Variants in ANK2 observed in about 807,000 individuals in gnomAD.
ANK2 encodes ankyrin-2.
A neutral mutation model predicts 360.5 loss-of-function variants in ANK2; 83 were observed. That is an observed-to-expected ratio of 0.23 (90% CI 0.19 to 0.28). The LOEUF (loss-of-function observed/expected upper bound fraction) is 0.28. Among genes scored for constraint, ANK2 ranks in the 10% least tolerant of loss-of-function variants. ANK2 has a pLI of 1.00. For missense variants in ANK2, 4,201 were observed against 4,795.7 expected, an observed-to-expected ratio of 0.88 and a Z score of 3.66; for synonymous variants, 1,740 against 1,759.5, an observed-to-expected ratio of 0.99 and a Z score of 0.28.
intron 45 of ANK2, among the ~76,000 whole-genome samples, chr4:113,378,451 A>T (rs947176037): frequency 6.6e-6 from 1 of 152,234 alleles, no homozygotes; most frequent in Admixed American, 6.5e-5. Context: ...GCAAGCCATC[A>T]ACTTAGTTGA....
At chr4:113,309,298 T>A (rs992401284) in intron 23 of ANK2, among the ~76,000 whole-genome samples, 1 of 152,196 alleles carries the variant, frequency 6.6e-6, no homozygotes, top group African/African-American at 2.4e-5. Context: ...CATTTCTCTC[T>A]GAGACATAAT....
chr4:113,130,869 A>G, intron 1 of ANK2, among the ~76,000 whole-genome samples: 1 of 152,236 alleles, frequency 6.6e-6, no homozygotes, highest in Non-Finnish European at 1.5e-5. Flanking sequence ...CTTAGGCAAC[A>G]CATAGATTGT....
chr4:113,044,576 T>G (rs930903161), intron 2 of ANK2, among the ~76,000 whole-genome samples: 5 of 152,138 alleles, frequency 3.3e-5, no homozygotes, highest in Non-Finnish European at 7.4e-5. Context: ...AGACTAGAAG[T>G]GCAAAACCAC....
At chr4:113,216,357 A>C (rs1207298304) in intron 4 of ANK2, among the ~76,000 whole-genome samples, 1 of 152,222 alleles carries the variant, frequency 6.6e-6, no homozygotes, top group Non-Finnish European at 1.5e-5. Flanking sequence ...AAGGGGAAGC[A>C]CTATATATTG....
intron 1 of ANK2, among the ~76,000 whole-genome samples, chr4:112,843,501 A>G (rs1239872988): frequency 6.6e-6 from 1 of 152,202 alleles, no homozygotes. Flanking sequence ...TTTAGATAAG[A>G]TTAAAAAACA....
intron 24 of ANK2, 83 bp from the exon 25 acceptor site, chr4:113,317,624 C>T (rs1335834661): frequency 4.7e-6 from 5 of 1,069,856 alleles, no homozygotes; most frequent in Non-Finnish European, 7.2e-6. Flanking sequence ...GCTTTTTTCA[C>T]TCTCCTGCTC....
intron 2 of ANK2, among the ~76,000 whole-genome samples, chr4:113,178,876 C>CA (rs1304026983): frequency 5.9e-5 from 9 of 152,158 alleles, no homozygotes; most frequent in Non-Finnish European, 4.4e-5. Flanking sequence ...GTCCCAAGTC[C>CA]AAGCTTTTTT....
chr4:113,204,912 C>T (rs2098922919), intron 4 of ANK2, among the ~76,000 whole-genome samples: 1 of 152,168 alleles, frequency 6.6e-6, no homozygotes, highest in Non-Finnish European at 1.5e-5. Context: ...ACCTCTTAGA[C>T]TGTTCTTCAA....
At chr4:113,154,027 T>G (rs931457585) in intron 1 of ANK2, among the ~76,000 whole-genome samples, 4 of 152,342 alleles carry the variant, frequency 2.6e-5, no homozygotes, top group African/African-American at 7.2e-5. Context: ...TTTATTAAGC[T>G]TCTTCTTATC....
intron 2 of ANK2, among the ~76,000 whole-genome samples, chr4:112,982,964 T>C (rs1357969140): frequency 6.7e-6 from 1 of 148,508 alleles, no homozygotes; most frequent in Non-Finnish European, 1.5e-5. Context: ...TTATACTCTG[T>C]TTGAAGAATG....
At chr4:113,016,233 T>C (rs901524012) in intron 2 of ANK2, among the ~76,000 whole-genome samples, 4 of 152,066 alleles carry the variant, frequency 2.6e-5, no homozygotes, top group African/African-American at 4.8e-5. Context: ...TTTCCTGTCA[T>C]TGGGGGAAAA....
At chr4:113,016,489 C>T (rs1447474373) in intron 2 of ANK2, among the ~76,000 whole-genome samples, 1 of 152,178 alleles carries the variant, frequency 6.6e-6, no homozygotes, top group Non-Finnish European at 1.5e-5. Flanking sequence ...CCTGCCATCT[C>T]TTCTCTGCTC....
At chr4:113,064,787 T>G (rs2154336684) in intron 1 of ANK2, among the ~76,000 whole-genome samples, 1 of 120,676 alleles carries the variant, frequency 8.3e-6, no homozygotes, top group Admixed American at 8.4e-5. Context: ...AACAAAAATG[T>G]TAGAAAGTTC....
rs182977905 is a variant in ANK2, at chr4:112,862,314, G to C, written c.-39-42141G>C. Among the ~76,000 whole-genome samples, 252 of 152,248 alleles carry C rather than the reference G, an allele frequency of 1.7e-3. 1 individual carries two copies. Among genetic ancestry groups the C allele is most frequent in the Admixed American group, 5.2e-3 (79 of 15,292 alleles). On this transcript the variant is annotated intron_variant, in intron 1 of 30. Transcript: ENST00000503271. ...AGTAAATTTATTTCATTATTTTTTA[G>C]CATCTAATTATTGCCCTTTGATTTG...
intron 2 of ANK2, among the ~76,000 whole-genome samples, chr4:112,997,348 A>G (rs896392966): frequency 6.6e-6 from 1 of 152,130 alleles, no homozygotes; most frequent in Admixed American, 6.6e-5. Context: ...AGATCTCTTG[A>G]ATTTGTGAAA....
At chr4:113,181,691 G>A (rs990224780) in intron 2 of ANK2, among the ~76,000 whole-genome samples, 4 of 152,114 alleles carry the variant, frequency 2.6e-5, no homozygotes, top group Non-Finnish European at 5.9e-5. Flanking sequence ...CAAGGAGGCC[G>A]TGCATGCTGT....
At chr4:113,261,698 G>A (rs897952895) in intron 13 of ANK2, among the ~76,000 whole-genome samples, 1 of 152,122 alleles carries the variant, frequency 6.6e-6, no homozygotes, top group Non-Finnish European at 1.5e-5. Context: ...GAGACCATGT[G>A]TGTGTTTATA....
At chr4:113,099,521 T>C (rs2092416201) in intron 1 of ANK2, among the ~76,000 whole-genome samples, 2 of 152,024 alleles carry the variant, frequency 1.3e-5, no homozygotes, top group Admixed American at 1.3e-4. Context: ...TGTTCATAGA[T>C]AAGAAGACTC....
At chr4:112,952,529 G>A (rs932702495) in intron 2 of ANK2, among the ~76,000 whole-genome samples, 1 of 152,074 alleles carries the variant, frequency 6.6e-6, no homozygotes, top group Non-Finnish European at 1.5e-5. Flanking sequence ...GCTCTAATTT[G>A]TATCTGAGCA....
Sources: gnomAD v4.1 joint callset for allele counts (sites outside exome capture counted in the v4.1 genomes callset) on GRCh38, gnomAD v4.1.1 for gene constraint, MANE v1.5 for transcripts, NCBI Gene and HGNC (gene_info 2026-07-23, HGNC 2026-07-21) for gene names.